The following MACROD2 variants were observed in gnomAD, a reference collection of about 807,000 sequenced individuals.
The protein encoded by MACROD2 is ADP-ribose glycohydrolase MACROD2.
In MACROD2, 36 loss-of-function variants were observed where a neutral mutation model predicts 70.4. That is an observed-to-expected ratio of 0.51 (90% CI 0.39 to 0.68). MACROD2 has a LOEUF of 0.68. Among genes scored for constraint, MACROD2 ranks in the 30% least tolerant of loss-of-function variants. The pLI is 0.00. For missense variants in MACROD2, 496 were observed against 538.4 expected, an observed-to-expected ratio of 0.92 and a Z score of 0.78; for synonymous variants, 172 against 178.8, an observed-to-expected ratio of 0.96 and a Z score of 0.30.
At chr20:14,085,268 A>T (rs2054063331) in intron 2 of MACROD2, among the ~76,000 whole-genome samples, 1 of 152,094 alleles carries the variant, frequency 6.6e-6, no homozygotes, top group Admixed American at 6.6e-5. Context: ...TTCTTACCTA[A>T]GATTAAAGAT....
chr20:15,709,575 G>A (rs1353808051), intron 8 of MACROD2, among the ~76,000 whole-genome samples: 1 of 152,184 alleles, frequency 6.6e-6, no homozygotes, highest in Non-Finnish European at 1.5e-5. Flanking sequence ...GCTGAGGTGG[G>A]AAGATTGCTT....
intron 6 of MACROD2, among the ~76,000 whole-genome samples, chr20:15,345,210 A>C (rs887862088): frequency 6.6e-6 from 1 of 152,162 alleles, no homozygotes; most frequent in East Asian, 1.9e-4. Context: ...CAACATATGA[A>C]TTTTGGGATG....
chr20:15,573,730 C>G (rs1182280946), intron 8 of MACROD2, among the ~76,000 whole-genome samples: 1 of 152,048 alleles, frequency 6.6e-6, no homozygotes, highest in Non-Finnish European at 1.5e-5. Flanking sequence ...TTCTGAATCT[C>G]CTTCCCTATT....
Position 15,453,844 on chromosome 20 carries a change from A to C in MACROD2, c.571+22409A>C, listed in dbSNP as rs538380728. On this transcript the variant is annotated intron_variant, in intron 7 of 17. Transcript: ENST00000684519. ...GAAGAATTCTCCTTTTCTAGGGTCT[A>C]TGCCAGTGCTTCTAGTTATCTCATG... 2.6e-5 allele frequency among the ~76,000 whole-genome samples: 4 copies of C among 152,256 alleles called. No individual in the cohort carries two copies. The East Asian group carries it at 5.8e-4, about 22-fold the overall frequency.
At chr20:14,955,618 C>G (rs2074529494) in intron 5 of MACROD2, among the ~76,000 whole-genome samples, 1 of 152,098 alleles carries the variant, frequency 6.6e-6, no homozygotes, top group African/African-American at 2.4e-5. Flanking sequence ...AGTGTTCACC[C>G]TTCCCCCACT....
chr20:14,641,601 G>A (rs1338009225), intron 4 of MACROD2, among the ~76,000 whole-genome samples: 2 of 152,148 alleles, frequency 1.3e-5, no homozygotes, highest in African/African-American at 4.8e-5. Flanking sequence ...GCTACAGAAT[G>A]GATGTTATGT....
At chr20:15,259,960 G>A (rs923657837) in intron 6 of MACROD2, among the ~76,000 whole-genome samples, 2 of 151,848 alleles carry the variant, frequency 1.3e-5, no homozygotes, top group Non-Finnish European at 2.9e-5. Context: ...GGAGCAAAAA[G>A]GAATGGAATG....
At chr20:14,212,913 T>G (rs1311906369) in intron 3 of MACROD2, among the ~76,000 whole-genome samples, 1 of 151,934 alleles carries the variant, frequency 6.6e-6, no homozygotes, top group Admixed American at 6.6e-5. Context: ...GCATTTGGAC[T>G]GTTCATGGAT....
At chr20:15,918,653 A>G (rs896765067) in intron 10 of MACROD2, among the ~76,000 whole-genome samples, 1 of 152,242 alleles carries the variant, frequency 6.6e-6, no homozygotes, top group African/African-American at 2.4e-5. Flanking sequence ...TGGGAGAACT[A>G]GAATAATTTA....
chr20:15,876,109 A>ATATATGTATG lies in MACROD2; in HGVS notation c.728-9652_728-9651insATGTATGTAT, dbSNP rs57817982. Among the ~76,000 whole-genome samples the ATATATGTATG allele has an allele frequency of 3.1e-3, 381 of 124,144 alleles. 4 individuals are homozygous for ATATATGTATG. Among genetic ancestry groups the ATATATGTATG allele is most frequent in the East Asian group, 9.4e-3 (33 of 3,494 alleles). The allele number at this position is 124,144 out of a possible 152,430, so 81.4% of individuals were successfully genotyped here. On this transcript the variant is annotated intron_variant, in intron 9 of 17. Coordinates refer to ENST00000684519, the MANE Select transcript of MACROD2 (RefSeq NM_001351661.2). ...ATGTCTTTTATATATATATATATATATATGTGTGTATTTTTTTTATTACAC... is the reference window on the plus strand; with the variant it reads ...ATGTCTTTTATATATATATATATATATATATGTATGTATGTGTGTATTTTTTTTATTACAC...
chr20:15,444,381 T>C (rs984225184), intron 7 of MACROD2, among the ~76,000 whole-genome samples: 1 of 152,194 alleles, frequency 6.6e-6, no homozygotes, highest in Non-Finnish European at 1.5e-5. Flanking sequence ...ATTACATCGC[T>C]AAATATACGC....
At chr20:15,341,754 A>G (rs2078112132) in intron 6 of MACROD2, among the ~76,000 whole-genome samples, 1 of 152,240 alleles carries the variant, frequency 6.6e-6, no homozygotes, top group African/African-American at 2.4e-5. Flanking sequence ...GATACATTTA[A>G]AATTAAGGCA....
At chr20:15,066,385 C>T (rs957847555) in intron 5 of MACROD2, among the ~76,000 whole-genome samples, 11 of 151,820 alleles carry the variant, frequency 7.2e-5, no homozygotes, top group South Asian at 2.1e-4. Context: ...CTGCCCACCT[C>T]GGCCTCCCAA....
intron 5 of MACROD2, chr20:15,196,974 A>G (rs2076611410): frequency 2.3e-5 from 23 of 985,438 alleles, no homozygotes; most frequent in Non-Finnish European, 2.8e-5. Flanking sequence ...AGGTATCCAA[A>G]GAGCACATTT....
At chr20:15,731,807 G>A (rs2050947365) in intron 8 of MACROD2, among the ~76,000 whole-genome samples, 1 of 53,640 alleles carries the variant, frequency 1.9e-5, no homozygotes, top group Non-Finnish European at 5.1e-5. Context: ...CCAGGCTGGA[G>A]TGCAATAGCG....
intron 8 of MACROD2, among the ~76,000 whole-genome samples, chr20:15,563,936 C>G (rs1014823122): frequency 6.6e-6 from 1 of 152,086 alleles, no homozygotes; most frequent in African/African-American, 2.4e-5. Context: ...TTCCTTTTTC[C>G]GTGTGTGTTA....
At chr20:15,106,081 TA>T (rs1233535353) in intron 5 of MACROD2, among the ~76,000 whole-genome samples, 1 of 152,160 alleles carries the variant, frequency 6.6e-6, no homozygotes, top group Non-Finnish European at 1.5e-5. Context: ...ACCCCATAAA[TA>T]CATACAACTA....
At chr20:15,912,260 T>C (rs2065248529) in intron 10 of MACROD2, among the ~76,000 whole-genome samples, 1 of 152,222 alleles carries the variant, frequency 6.6e-6, no homozygotes, top group South Asian at 2.1e-4. Flanking sequence ...CCACAGGGAA[T>C]TATTTCCCTT....
intron 5 of MACROD2, among the ~76,000 whole-genome samples, chr20:14,974,818 T>G (rs961494984): frequency 6.6e-6 from 1 of 151,960 alleles, no homozygotes; most frequent in Non-Finnish European, 1.5e-5. Flanking sequence ...CTGAGCAAGG[T>G]GGGCAAGCAG....
Sources: gnomAD v4.1 joint callset for allele counts (sites outside exome capture counted in the v4.1 genomes callset) on GRCh38, gnomAD v4.1.1 for gene constraint, MANE v1.5 for transcripts, NCBI Gene and HGNC (gene_info 2026-07-23, HGNC 2026-07-21) for gene names.